The following FBXW7 variants were observed in gnomAD, a reference collection of about 807,000 sequenced individuals.
FBXW7 encodes the protein F-box and WD repeat domain containing 7.
FBXW7 carries 11 observed loss-of-function variants against 86.3 expected under a neutral mutation model. The observed-to-expected ratio is 0.13, with a 90% CI of 0.08 to 0.21. FBXW7 has a LOEUF of 0.21. FBXW7 is among the 10% of genes least tolerant of loss of function. The pLI, the probability that FBXW7 is intolerant of heterozygous loss-of-function variation, is 1.00. For synonymous variants in FBXW7, 313 were observed against 297.9 expected, an observed-to-expected ratio of 1.05 and a Z score of -0.52; for missense variants, 488 against 847.4, an observed-to-expected ratio of 0.58 and a Z score of 5.27.
At chr4:152,340,737 C>T (rs1241351074) in intron 6 of FBXW7, among the ~76,000 whole-genome samples, 4 of 152,064 alleles carry the variant, frequency 2.6e-5, no homozygotes, top group Non-Finnish European at 5.9e-5. Flanking sequence ...AAACAGCTTT[C>T]CTCTCTCCAG....
rs572265694 is a variant in FBXW7, at chr4:152,321,114, G to A, written c.*1767C>T. 18 of 192,584 alleles carry A rather than the reference G, an allele frequency of 9.3e-5. No homozygotes were observed. The highest frequency in any genetic ancestry group is 3.9e-4 in the South Asian group (2 of 5,158). 11.9% of individuals were successfully genotyped at this position (192,584 alleles called of 1,614,324 possible). On this transcript the variant is annotated 3_prime_UTR_variant, in exon 14 of 14. Coordinates refer to ENST00000281708, the MANE Select transcript of FBXW7 (RefSeq NM_001349798.2). ...TGCAGCACATTATCCTTACTTTCGCGGTATAAAACAGGCTTGAAGTATTGA... is the reference window on the plus strand; with the variant it reads ...TGCAGCACATTATCCTTACTTTCGCAGTATAAAACAGGCTTGAAGTATTGA...
At chr4:152,436,685 T>G (rs1164343936) in intron 2 of FBXW7, among the ~76,000 whole-genome samples, 1 of 152,206 alleles carries the variant, frequency 6.6e-6, no homozygotes, top group Non-Finnish European at 1.5e-5. Context: ...ATGCTGCTGT[T>G]GACTTTAGGT....
At chr4:152,380,360 A>G (rs1481116558) in intron 4 of FBXW7, among the ~76,000 whole-genome samples, 1 of 152,098 alleles carries the variant, frequency 6.6e-6, no homozygotes, top group Non-Finnish European at 1.5e-5. Flanking sequence ...ATAATTTCAC[A>G]ATCCCTCTAA....
At chr4:152,450,491 GTCA>G (rs969208236) in intron 2 of FBXW7, among the ~76,000 whole-genome samples, 1 of 152,162 alleles carries the variant, frequency 6.6e-6, no homozygotes, top group Admixed American at 6.5e-5. Flanking sequence ...CCCCTGCTCT[GTCA>G]CACTTTCAGA....
intron 2 of FBXW7, among the ~76,000 whole-genome samples, chr4:152,489,867 G>A (rs1018032840): frequency 1.3e-5 from 2 of 152,002 alleles, no homozygotes; most frequent in East Asian, 3.8e-4. Context: ...CTGGGCTACA[G>A]TGAATTAGTC....
chr4:152,480,805 G>A (rs1744815787), intron 2 of FBXW7, among the ~76,000 whole-genome samples: 1 of 152,176 alleles, frequency 6.6e-6, no homozygotes, highest in Admixed American at 6.5e-5. Context: ...TCAATTCTAT[G>A]AAGGCTGAGA....
At chr4:152,521,658 A>G (rs1303057314) in intron 2 of FBXW7, among the ~76,000 whole-genome samples, 4 of 152,124 alleles carry the variant, frequency 2.6e-5, no homozygotes, top group African/African-American at 9.7e-5. Context: ...GGACGGTGGA[A>G]GGAGCTCTGA....
chr4:152,449,036 G>A (rs1192997315), intron 2 of FBXW7, among the ~76,000 whole-genome samples: 2 of 151,934 alleles, frequency 1.3e-5, no homozygotes, highest in African/African-American at 2.4e-5. Flanking sequence ...ACCCCTCCCC[G>A]TCTCCACACA....
chr4:152,416,458 T>G (rs966889557), intron 2 of FBXW7, among the ~76,000 whole-genome samples: 1 of 152,152 alleles, frequency 6.6e-6, no homozygotes, highest in African/African-American at 2.4e-5. Flanking sequence ...CAGCACAGGA[T>G]GTAAAAAAAC....
intron 2 of FBXW7, among the ~76,000 whole-genome samples, chr4:152,494,436 T>C (rs1369925507): frequency 1.3e-5 from 2 of 152,214 alleles, no homozygotes; most frequent in African/African-American, 4.8e-5. Context: ...TCCCATGCAG[T>C]ATTAGGGTCT....
At chr4:152,326,580 G>C (rs1729042988) in intron 11 of FBXW7, among the ~76,000 whole-genome samples, 1 of 151,910 alleles carries the variant, frequency 6.6e-6, no homozygotes, top group Non-Finnish European at 1.5e-5. Flanking sequence ...ATAAGATTTT[G>C]ATTTTAGAAA....
intron 2 of FBXW7, among the ~76,000 whole-genome samples, chr4:152,447,497 G>A (rs560819469): frequency 6.5e-4 from 99 of 152,240 alleles, no homozygotes; most frequent in Middle Eastern, 6.8e-3. Context: ...CTATTTTACA[G>A]TTAGCAATAT....
At position 152,510,612 on chromosome 4, in the gene FBXW7, T is replaced by C. The variant is rs538267887; in HGVS notation, c.-120+24329A>G. 9.9e-5 allele frequency among the ~76,000 whole-genome samples: 15 copies of C among 152,156 alleles called. No homozygotes were observed. In the South Asian group the frequency reaches 2.7e-3, roughly 27 times the overall value. On this transcript the variant is annotated intron_variant, in intron 2 of 13. Transcript: ENST00000281708. ...GCCTAATACGGGGCAAGAGGAGAAATAGACTTTTCATAACTAAAAACATAT... is the reference window on the plus strand; with the variant it reads ...GCCTAATACGGGGCAAGAGGAGAAACAGACTTTTCATAACTAAAAACATAT...
chr4:152,353,027 C>A, intron 4 of FBXW7: 11 of 1,196,688 alleles, frequency 9.2e-6, no homozygotes, highest in Non-Finnish European at 1.1e-5. Flanking sequence ...GCCCCCTCTC[C>A]CCTTTCAAAC....
intron 4 of FBXW7, among the ~76,000 whole-genome samples, chr4:152,409,428 A>C (rs1263440681): frequency 2.0e-5 from 3 of 152,198 alleles, no homozygotes; most frequent in African/African-American, 7.2e-5. Flanking sequence ...ATTGTATTAA[A>C]ACATGTATAC....
intron 2 of FBXW7, among the ~76,000 whole-genome samples, chr4:152,459,296 A>T (rs1250428808): frequency 6.6e-6 from 1 of 152,146 alleles, no homozygotes; most frequent in African/African-American, 2.4e-5. Context: ...TTTTCCAATC[A>T]AGCTAATTCA....
intron 5 of FBXW7, 32 bp from the exon 6 acceptor site, chr4:152,347,103 G>A (rs1731347032): frequency 1.9e-6 from 3 of 1,569,162 alleles, no homozygotes; most frequent in East Asian, 2.2e-5. Flanking sequence ...AGAGAGAAAG[G>A]ATAAAAGGAA....
In FBXW7 at chr4:152,352,574, G is replaced by A. The variant is rs2126662209; in HGVS notation, c.502-2450C>T. On this transcript the variant is annotated intron_variant, in intron 4 of 13. Transcript: ENST00000281708. ...TGTGTCCGGCTGCTTGGCAGTCTCT[G>A]ACAATATAAACCTTTTTCAGGTAGG... 1 of 1,613,858 alleles carries A rather than the reference G, an allele frequency of 6.2e-7. No homozygotes were observed. The highest frequency in any genetic ancestry group is 8.5e-7 in the Non-Finnish European group (1 of 1,179,958).
intron 2 of FBXW7, among the ~76,000 whole-genome samples, chr4:152,438,693 T>C (rs1256352710): frequency 6.6e-6 from 1 of 152,028 alleles, no homozygotes; most frequent in East Asian, 1.9e-4. Flanking sequence ...AAAAACACTC[T>C]ATTTTAAAAC....
Sources: allele counts gnomAD v4.1 joint callset (sites outside exome capture counted in the v4.1 genomes callset), GRCh38; gene constraint gnomAD v4.1.1; transcripts MANE v1.5; gene names NCBI Gene and HGNC (gene_info 2026-07-23, HGNC 2026-07-21).